GUCY2F: variants seen among roughly 807,000 people sequenced by gnomAD.
The protein encoded by GUCY2F is guanylate cyclase 2F, retinal.
Under a neutral mutation model 73.1 loss-of-function variants are expected in GUCY2F, and 61 were observed. The observed-to-expected ratio is 0.83, with a 90% CI of 0.68 to 1.03. The LOEUF (loss-of-function observed/expected upper bound fraction) is 1.03. GUCY2F is among the 50% of genes least tolerant of loss of function. The probability of loss-of-function intolerance (pLI) is 0.00; values close to 1 mark genes in which losing one functional copy is unlikely to be tolerated. For synonymous variants in GUCY2F, 331 were observed against 307.8 expected, an observed-to-expected ratio of 1.08 and a Z score of -0.79; for missense variants, 912 against 854.3, an observed-to-expected ratio of 1.07 and a Z score of -0.84.
In GUCY2F at chrX:109,408,854, T is replaced by A. The variant is rs758685376; in HGVS notation, c.1968+138A>T. 39 of 452,719 alleles carry A rather than the reference T, an allele frequency of 8.6e-5. 1 individual carries two copies. The Admixed American group carries it at 8.8e-4, about 10-fold the overall frequency. 37.3% of individuals were successfully genotyped at this position (452,719 alleles called of 1,213,427 possible). On this transcript the variant is annotated intron_variant, in intron 9 of 19. Transcript: ENST00000218006. ...CTTCCCAGTCTCAGGTATGTCTTTA[T>A]CAGCAGCATGAAAATGGACTAATAC...
intron 3 of GUCY2F, among the ~76,000 whole-genome samples, chrX:109,456,635 C>G (rs922453397): frequency 9.0e-6 from 1 of 111,451 alleles, no homozygotes; most frequent in African/African-American, 3.3e-5. Flanking sequence ...TCAGGATTCT[C>G]TAGCCTAGAC....
intron 8 of GUCY2F, among the ~76,000 whole-genome samples, chrX:109,423,709 T>TA (rs571749403): frequency 0.026 from 2,506 of 97,568 alleles, 47 homozygotes; most frequent in African/African-American, 0.062. Flanking sequence ...TGGTTTTTAT[T>TA]AAAAAAAAAA....
At chrX:109,432,788 G>A (rs1316043522) in intron 7 of GUCY2F, among the ~76,000 whole-genome samples, 1 of 112,161 alleles carries the variant, frequency 8.9e-6, no homozygotes, top group East Asian at 2.8e-4. Context: ...GCCCAGTGAA[G>A]CCTCCTTGTC....
At chrX:109,436,740 G>T (rs1343187303) in intron 7 of GUCY2F, among the ~76,000 whole-genome samples, 2 of 107,717 alleles carry the variant, frequency 1.9e-5, no homozygotes, top group African/African-American at 6.8e-5. Flanking sequence ...AACAATGAGA[G>T]CACATGGACA....
Position 109,436,556 on chromosome X carries a change from T to C in GUCY2F, c.1701+4795A>G, listed in dbSNP as rs1354118264. Among the ~76,000 whole-genome samples the C allele has an allele frequency of 2.0e-3, 223 of 111,274 alleles. 2 individuals are homozygous for C. Among genetic ancestry groups the C allele is most frequent in the African/African-American group, 7.1e-3 (217 of 30,601 alleles). ...AACCCAAATGTCCAACAATGATAGA[T>C]TGGATTAAGAAAATGTGGCACATAC... On this transcript the variant is annotated intron_variant, in intron 7 of 19. Transcript: ENST00000218006.
intron 9 of GUCY2F, among the ~76,000 whole-genome samples, chrX:109,405,206 C>A (rs1041551930): frequency 9.0e-5 from 10 of 111,328 alleles, no homozygotes; most frequent in African/African-American, 3.3e-4. Flanking sequence ...ATTTAACAAA[C>A]AAAAAAGTCA....
At chrX:109,419,735 T>C (rs1384348226) in intron 8 of GUCY2F, among the ~76,000 whole-genome samples, 1 of 110,702 alleles carries the variant, frequency 9.0e-6, no homozygotes, top group Non-Finnish European at 1.9e-5. Flanking sequence ...ATTATTAAGA[T>C]GTCCATTTTA....
chrX:109,470,420 T>C (rs1932550927), intron 2 of GUCY2F, among the ~76,000 whole-genome samples: 1 of 112,093 alleles, frequency 8.9e-6, no homozygotes, highest in South Asian at 3.8e-4. Context: ...CATAGTATTA[T>C]CAGTATCACT....
chrX:109,391,380 A>G (rs1411976740), intron 14 of GUCY2F, among the ~76,000 whole-genome samples: 1 of 110,958 alleles, frequency 9.0e-6, no homozygotes, highest in Non-Finnish European at 1.9e-5. Flanking sequence ...AGCAATCCCA[A>G]AGAGCCTCGA....
At chrX:109,395,216 A>G (rs2076361) in intron 12 of GUCY2F, 125 bp downstream of exon 12, 168,177 of 535,855 alleles carry the variant, frequency 0.31, 26,793 homozygotes, top group East Asian at 0.79. Flanking sequence ...CTGTTCCTCC[A>G]AGAGGAGTGC....
At chrX:109,479,136 C>T (rs1325912004) in intron 1 of GUCY2F, among the ~76,000 whole-genome samples, 1 of 111,316 alleles carries the variant, frequency 9.0e-6, no homozygotes, top group African/African-American at 3.3e-5. Context: ...CACAGTGCTG[C>T]ACAGCTGGGG....
At chrX:109,419,874 GAA>G (rs770280062) in intron 8 of GUCY2F, among the ~76,000 whole-genome samples, 2 of 106,894 alleles carry the variant, frequency 1.9e-5, no homozygotes, top group Non-Finnish European at 3.9e-5. Flanking sequence ...AAACAATCTT[GAA>G]AAAAAAAGTT....
intron 16 of GUCY2F, among the ~76,000 whole-genome samples, chrX:109,384,197 C>T (rs1407131817): frequency 8.9e-6 from 1 of 111,944 alleles, no homozygotes; most frequent in Non-Finnish European, 1.9e-5. Context: ...AGACAGGGCA[C>T]CACCCACTGT....
At chrX:109,463,213 C>T (rs1396762072) in intron 3 of GUCY2F, among the ~76,000 whole-genome samples, 1 of 111,422 alleles carries the variant, frequency 9.0e-6, no homozygotes, top group East Asian at 2.8e-4. Context: ...GAATATCAGA[C>T]ACAATCAACT....
intron 15 of GUCY2F, among the ~76,000 whole-genome samples, chrX:109,387,828 C>T (rs1336980652): frequency 9.0e-6 from 1 of 111,473 alleles, no homozygotes; most frequent in East Asian, 2.8e-4. Context: ...GCAGCATTCA[C>T]AGAGTGAGGA....
chrX:109,419,894 T>TA (rs763205983), intron 8 of GUCY2F, among the ~76,000 whole-genome samples: 2 of 109,633 alleles, frequency 1.8e-5, no homozygotes, highest in Admixed American at 2.0e-4. Context: ...GTTAGAGGCT[T>TA]ACACCACTTG....
At chrX:109,431,018 CA>C (rs2147268716) in intron 7 of GUCY2F, among the ~76,000 whole-genome samples, 1 of 111,110 alleles carries the variant, frequency 9.0e-6, no homozygotes, top group Admixed American at 9.6e-5. Context: ...TAGAGTCTTC[CA>C]AAAGTCTATT....
At chrX:109,429,944 T>A (rs1002972510) in intron 8 of GUCY2F, among the ~76,000 whole-genome samples, 2 of 112,709 alleles carry the variant, frequency 1.8e-5, no homozygotes, top group African/African-American at 6.5e-5. Context: ...AGAAGCTATG[T>A]GCCAGGAAAT....
At chrX:109,451,882 T>C (rs1286477155) in intron 5 of GUCY2F, 141 bp downstream of exon 5, 1 of 450,036 alleles carries the variant, frequency 2.2e-6, no homozygotes, top group African/African-American at 2.5e-5. Flanking sequence ...CCTGTAGGAA[T>C]GGTAAACCAC....
Sources: allele counts gnomAD v4.1 joint callset (sites outside exome capture counted in the v4.1 genomes callset), GRCh38; gene constraint gnomAD v4.1.1; transcripts MANE v1.5; gene names NCBI Gene and HGNC (gene_info 2026-07-23, HGNC 2026-07-21).